The following CDH5 variants were observed in gnomAD, a reference collection of about 807,000 sequenced individuals.
CDH5 encodes cadherin 5.
CDH5 carries 28 observed loss-of-function variants against 62.0 expected under a neutral mutation model. The ratio of observed to expected loss-of-function variants is 0.45; its 90% CI spans 0.33 to 0.62. The LOEUF is 0.62. Ranked by LOEUF, CDH5 falls within the 20% of genes least tolerant of loss-of-function variation. The pLI is 0.02. For synonymous variants in CDH5, 464 were observed against 445.8 expected (o/e 1.04, Z -0.52); for missense variants, 940 against 1,065.1 (o/e 0.88, Z 1.63).
chr16:66,403,086 G>A lies in CDH5; in HGVS notation c.2272G>A (p.Asp758Asn), dbSNP rs746505392. 2.1e-5 allele frequency: 34 copies of A among 1,613,652 alleles called. No homozygotes were observed. The highest frequency in any genetic ancestry group is 5.3e-5 in the African/African-American group (4 of 74,912). ...TDSSDSDVDY[D>N]FLNDWGPRFK... ...CTCATCCGACTCTGACGTGGATTAC[G>A]ACTTCCTTAACGACTGGGGACCCAG... Residue 758 changes from aspartate (D) to asparagine (N), a missense_variant, in exon 12 of 12, where the codon GAC (aspartate) becomes AAC (asparagine). Transcript: ENST00000341529. The surrounding 1 kb of genome is among the most constrained non-coding windows in gnomAD (Gnocchi z 4.3).
At chr16:66,374,447 G>A (rs913025769) in intron 1 of CDH5, among the ~76,000 whole-genome samples, 3 of 152,256 alleles carry the variant, frequency 2.0e-5, no homozygotes, top group Non-Finnish European at 2.9e-5. Flanking sequence ...AGCCCTGTCA[G>A]AGGGAAGGAG....
In CDH5 at chr16:66,398,095, G is replaced by A; in HGVS notation, c.1474G>A (p.Val492Ile). 3.7e-6 allele frequency: 6 copies of A among 1,614,238 alleles called. No homozygotes were observed. The South Asian group carries it at 6.6e-5, about 18-fold the overall frequency. ...CCAGCCCAAAGTGTGTGAGAACGCT[G>A]TCCATGGCCAGGTGAGTCTGGTTCA... ...PYQPKVCENA[V>I]HGQLVLQISA... The change falls in exon 9 of 12, where the codon GTC (valine) becomes ATC (isoleucine). Residue 492 changes from valine to isoleucine, a missense_variant. Transcript: ENST00000341529.
chr16:66,390,899 C>A (rs535080337), intron 6 of CDH5, among the ~76,000 whole-genome samples: 1 of 152,320 alleles, frequency 6.6e-6, no homozygotes, highest in East Asian at 1.9e-4. Context: ...GGTGAAGGAG[C>A]TGGGGTATTT....
rs773977102 is a variant in CDH5 at position 66,386,935 on chromosome 16, A to G, written c.337A>G (p.Ile113Val). ...FAIERLDREN[I>V]SEYHLTAVIV... ...CATTGAGAGGCTGGACCGGGAGAAT[A>G]TCTCAGAGTACCACCTCACTGCTGT... Residue 113 changes from isoleucine to valine, a missense_variant, in exon 3 of 12, where the codon ATC becomes GTC. By Grantham distance (29) the Ile-to-Val change is conservative. Transcript: ENST00000341529. 1 of 1,614,218 alleles carries G rather than the reference A, an allele frequency of 6.2e-7. No individual in the cohort carries two copies.
rs1297541019 is a variant in CDH5, at chr16:66,402,767, C to T, written c.1953C>T (p.Gly651=). 1.1e-5 allele frequency: 17 copies of T among 1,607,878 alleles called. No individual in the cohort carries two copies. Among genetic ancestry groups the T allele is most frequent in the Middle Eastern group, 1.7e-4 (1 of 5,832 alleles). The stretch of plus-strand genomic sequence containing the variant: ...TCACCTACGACGAGGAGGGCGGCGG[C>T]GAGATGGACACCACCAGCTACGATG... ...QLVTYDEEGG[G]EMDTTSYDVS... The change falls in exon 12 of 12, where the codon GGC becomes GGT. Residue 651 remains glycine, a synonymous_variant. Transcript: ENST00000341529.
rs772208737 is a variant in CDH5, at chr16:66,390,436, G to A, written c.815G>A (p.Arg272His). ...ACATTTGTCGTGCCTGAAGACACCC[G>A]TGTGGGCACCTCTGTGGGCTCTCTG... ...KYTFVVPEDT[R>H]VGTSVGSLFV... is the part of the protein sequence containing the mutation. The change falls in exon 6 of 12, where the codon CGT becomes CAT. Residue 272 changes from arginine (R) to histidine (H), a missense_variant. By Grantham distance (29) the Arg-to-His change is conservative. Transcript: ENST00000341529. The A allele has an allele frequency of 3.2e-5, 51 of 1,613,934 alleles. No homozygotes were observed. Among genetic ancestry groups the A allele is most frequent in the South Asian group, 5.5e-5 (5 of 91,062 alleles).
chr16:66,379,939 CACG>C (rs1960862753), intron 2 of CDH5, among the ~76,000 whole-genome samples: 1 of 73,786 alleles, frequency 1.4e-5, no homozygotes, highest in African/African-American at 5.1e-5. Flanking sequence ...TGGTGGTGAT[CACG>C]GTGATGGTGG....
rs764276816 is a variant in CDH5 at position 66,392,751 on chromosome 16, A to G, written c.1217+368A>G. On this transcript the variant is annotated intron_variant, in intron 7 of 11. Transcript: ENST00000341529. ...TCACTAAAACTGTATTCTTGAATCT[A>G]TCTTCCCCAAACCACAAAAGTAAGA... 5.2e-4 allele frequency: 118 copies of G among 225,594 alleles called. 1 individual carries two copies. Among genetic ancestry groups the G allele is most frequent in the Non-Finnish European group, 8.7e-4 (99 of 113,418 alleles). The allele number at this position is 225,594 out of a possible 1,614,324, so 14.0% of individuals were successfully genotyped here. A position where few individuals can be genotyped will look rare whatever the true frequency, so the allele number is the denominator to read the frequency against.
At chr16:66,396,590 G>C (rs1425583035) in intron 8 of CDH5, among the ~76,000 whole-genome samples, 1 of 103,202 alleles carries the variant, frequency 9.7e-6, no homozygotes, top group African/African-American at 3.8e-5. Flanking sequence ...ATTTAACAAG[G>C]GTCCCATGAT....
intron 7 of CDH5, among the ~76,000 whole-genome samples, chr16:66,394,274 T>A (rs898164076): frequency 1.3e-5 from 2 of 152,234 alleles, no homozygotes; most frequent in African/African-American, 2.4e-5. Flanking sequence ...TGATGTTACA[T>A]TTGTTAGTCC....
chr16:66,391,318 G>A (rs1961079849), intron 6 of CDH5, among the ~76,000 whole-genome samples: 1 of 152,252 alleles, frequency 6.6e-6, no homozygotes, highest in African/African-American at 2.4e-5. Flanking sequence ...ACAGCCAGGT[G>A]TAAGTGATAC....
At chr16:66,394,689 T>C (rs757900372) in intron 7 of CDH5, among the ~76,000 whole-genome samples, 1 of 152,186 alleles carries the variant, frequency 6.6e-6, no homozygotes, top group Non-Finnish European at 1.5e-5. Context: ...AAAACTATTA[T>C]AGACATACAC....
intron 9 of CDH5, 41 bp downstream of exon 9, chr16:66,398,147 TG>T: frequency 1.2e-6 from 2 of 1,611,844 alleles, no homozygotes; most frequent in Non-Finnish European, 1.7e-6. Context: ...AGCACCACCC[TG>T]GGGCAGGCTG....
chr16:66,395,542 G>C (rs879646141), intron 7 of CDH5: 4 of 37,724 alleles, frequency 1.1e-4, no homozygotes, highest in African/African-American at 4.4e-4. Context: ...CTTCTGTTCT[G>C]TTTGTTCTGG....
rs758878086 is a variant in CDH5 at position 66,390,582 on chromosome 16, C to G, written c.961C>G (p.Pro321Ala). The part of the protein sequence containing the change: ...NPAHNEGIIK[P>A]MKPLDYEYIQ... ...CGCCCACAACGAGGGCATCATCAAG[C>G]CCATGAAGGTTTGTAGGCCAATGGC... The change falls in exon 6 of 12, where the codon CCC (proline) becomes GCC (alanine). Residue 321 changes from proline to alanine, a missense_variant. By Grantham distance (27) the Pro-to-Ala change is conservative. Transcript: ENST00000341529. The G allele has an allele frequency of 1.6e-5, 26 of 1,613,894 alleles. No homozygotes were observed. Among genetic ancestry groups the G allele is most frequent in the Non-Finnish European group, 2.2e-5 (26 of 1,179,950 alleles).
At chr16:66,369,787 G>A (rs1567458644) in intron 1 of CDH5, among the ~76,000 whole-genome samples, 6 of 152,060 alleles carry the variant, frequency 3.9e-5, no homozygotes, top group Non-Finnish European at 8.8e-5. Flanking sequence ...TTCATTCAGT[G>A]GGAATGAACT....
At chr16:66,374,275 G>A (rs1960745580) in intron 1 of CDH5, among the ~76,000 whole-genome samples, 3 of 152,178 alleles carry the variant, frequency 2.0e-5, no homozygotes, top group Non-Finnish European at 2.9e-5. Context: ...TCTGGCATGG[G>A]GGTGCAAATG....
At chr16:66,395,357 T>C (rs943066805) in intron 7 of CDH5, 3 of 143,780 alleles carry the variant, frequency 2.1e-5, no homozygotes, top group Non-Finnish European at 3.1e-5. Flanking sequence ...CTGGACTCTT[T>C]TCAGTTTCTT....
chr16:66,382,039 C>T (rs181121345), intron 2 of CDH5, among the ~76,000 whole-genome samples: 1 of 152,346 alleles, frequency 6.6e-6, no homozygotes, highest in African/African-American at 2.4e-5. Context: ...GATGGGAAGG[C>T]CCAGTCTGGC....
Sources: gnomAD v4.1 joint callset for allele counts (sites outside exome capture counted in the v4.1 genomes callset) on GRCh38, gnomAD v4.1.1 for gene constraint, Gnocchi (gnomAD v3.1) non-coding constraint, MANE v1.5 for transcripts, NCBI Gene and HGNC (gene_info 2026-07-23, HGNC 2026-07-21) for gene names.